The following CHD1 variants were observed in gnomAD, a reference collection of about 807,000 sequenced individuals.
CHD1 encodes ATP-dependent chromatin remodeler CHD1.
Under a neutral mutation model 224.2 loss-of-function variants are expected in CHD1, and 36 were observed. The ratio of observed to expected loss-of-function variants is 0.16; its 90% confidence interval spans 0.12 to 0.21. CHD1 has a LOEUF of 0.21. CHD1 is among the 10% of genes least tolerant of loss of function. The pLI is 1.00. For synonymous variants in CHD1, 668 were observed against 658.3 expected (o/e 1.01, Z -0.23); for missense variants, 1,378 against 1,994.8 (o/e 0.69, Z 5.89).
chr5:98,897,151 C>T, intron 11 of CHD1, 42 bp downstream of exon 11: 1 of 1,584,562 alleles, frequency 6.3e-7, no homozygotes, highest in Non-Finnish European at 8.6e-7. Flanking sequence ...TTGGTAAATT[C>T]TTACTCTGTC....
chr5:98,870,828 G>T, intron 28 of CHD1, 25 bp from the exon 29 acceptor site: 1 of 1,453,134 alleles, frequency 6.9e-7, no homozygotes. Context: ...AATTTTTTCA[G>T]ATTGTCTTAA....
At chr5:98,888,715 G>A (rs763029026) in intron 16 of CHD1, among the ~76,000 whole-genome samples, 2 of 152,216 alleles carry the variant, frequency 1.3e-5, no homozygotes, top group Non-Finnish European at 2.9e-5. Context: ...ACCAGGAAGG[G>A]TTAAGATGTG....
intron 24 of CHD1, 139 bp downstream of exon 24, chr5:98,876,259 A>C: frequency 2.5e-6 from 2 of 806,876 alleles, no homozygotes; most frequent in Non-Finnish European, 4.0e-6. Flanking sequence ...CCAAAAGCAG[A>C]ACCACCCAAT....
Position 98,901,100 on chromosome 5 carries a change from G to GA in CHD1, c.588-19dup, listed in dbSNP as rs148373099. The GA allele has an allele frequency of 0.013, 19,146 of 1,480,768 alleles. 129 individuals carry two copies. The highest frequency in any genetic ancestry group is 0.027 in the South Asian group (2,007 of 75,328). 91.7% of individuals were successfully genotyped at this position (1,480,768 alleles called of 1,614,324 possible). A position where few individuals can be genotyped will look rare whatever the true frequency, so the allele number is the denominator to read the frequency against. On this transcript the variant is annotated intron_variant, in intron 6 of 35. Coordinates refer to ENST00000614616, the MANE Select transcript of CHD1 (RefSeq NM_001270.4). ...ACTTAGATCTAGGAAAGTGCAAAGA[G>GA]AAAAAAAAACAAGATTTGAGAAACT...
chr5:98,904,690 TTG>T (rs1403865636), intron 3 of CHD1, among the ~76,000 whole-genome samples: 6 of 152,214 alleles, frequency 3.9e-5, no homozygotes, highest in African/African-American at 1.2e-4. Flanking sequence ...AATTTACACT[TTG>T]TGTTTTCTAG....
chr5:98,860,366 C>A, intron 32 of CHD1: 1 of 339,044 alleles, frequency 2.9e-6, no homozygotes, highest in East Asian at 7.8e-5. Context: ...TAAATTAAAT[C>A]AGGAAGTGAC....
chr5:98,872,764 T>C (rs1396697192), intron 26 of CHD1, among the ~76,000 whole-genome samples: 1 of 152,214 alleles, frequency 6.6e-6, no homozygotes, highest in Non-Finnish European at 1.5e-5. Context: ...AGTATTTCTC[T>C]AAGTGTTTTA....
chr5:98,912,042 C>A (rs977829133), intron 2 of CHD1, among the ~76,000 whole-genome samples: 4 of 151,790 alleles, frequency 2.6e-5, no homozygotes, highest in Admixed American at 2.6e-4. Context: ...CTGACTGTTA[C>A]AGAGAATGGT....
chr5:98,869,926 T>A (rs1561488480), intron 29 of CHD1, 44 bp from the exon 30 acceptor site: 9 of 1,471,418 alleles, frequency 6.1e-6, no homozygotes, highest in African/African-American at 2.8e-5. Flanking sequence ...ACAGATTTCA[T>A]TTTTAAAAAC....
intron 1 of CHD1, among the ~76,000 whole-genome samples, chr5:98,927,212 C>T (rs75018903): frequency 0.07 from 10,637 of 151,928 alleles, 402 homozygotes; most frequent in African/African-American, 0.1. Context: ...TGATTTTTTA[C>T]GTAAAAAATT....
chr5:98,884,526 T>C (rs1355469762), intron 18 of CHD1, among the ~76,000 whole-genome samples: 1 of 151,864 alleles, frequency 6.6e-6, no homozygotes, highest in East Asian at 1.9e-4. Flanking sequence ...TAGGAGGGGG[T>C]GAGCGATAAA....
chr5:98,878,344 G>A (rs969424159), intron 23 of CHD1, among the ~76,000 whole-genome samples: 44 of 152,244 alleles, frequency 2.9e-4, no homozygotes, highest in African/African-American at 2.4e-5. Flanking sequence ...TAATACGGTT[G>A]CAAGAAAAGA....
At chr5:98,902,818 G>C in intron 5 of CHD1, 82 bp downstream of exon 5, 3 of 854,350 alleles carry the variant, frequency 3.5e-6, no homozygotes, top group East Asian at 2.7e-5. Flanking sequence ...TCTCCTTTTG[G>C]CAACAATTTT....
rs778499107 is a variant in CHD1, at chr5:98,872,445, T to C, written c.3682A>G (p.Ile1228Val). 41 of 1,613,170 alleles carry C rather than the reference T, an allele frequency of 2.5e-5. No individual in the cohort carries two copies. The highest frequency in any genetic ancestry group is 3.4e-5 in the Non-Finnish European group (40 of 1,179,704). The change falls in exon 27 of 36, where the codon ATT (isoleucine) becomes GTT (valine). Residue 1228 changes from isoleucine (I) to valine (V), a missense_variant. Ile to Val is a conservative substitution (Grantham distance 29). Around this residue, in one of 16 missense-constraint regions of CHD1, gnomAD observed 286 missense variants for 445.1 expected, o/e 0.64. Coordinates refer to ENST00000614616, the MANE Select transcript of CHD1 (RefSeq NM_001270.4). Reference protein sequence around the residue: ...EEELIPLHKSIPSDPEERKQY... With the variant: ...EEELIPLHKSVPSDPEERKQY... ...TTTCTTTCTTCTGGATCAGAAGGAA[T>C]GGATTTGTGCAAAGGTATTAATTCT...
intron 2 of CHD1, among the ~76,000 whole-genome samples, chr5:98,913,021 T>G (rs1197173663): frequency 6.6e-6 from 1 of 152,178 alleles, no homozygotes; most frequent in African/African-American, 2.4e-5. Context: ...TTCCACAGAA[T>G]TATAATGGAG....
chr5:98,912,138 T>G (rs929622757), intron 2 of CHD1, among the ~76,000 whole-genome samples: 1 of 152,168 alleles, frequency 6.6e-6, no homozygotes, highest in Non-Finnish European at 1.5e-5. Flanking sequence ...TTTTCTTTAT[T>G]AACATCCAAG....
Position 98,926,544 on chromosome 5 carries a change from A to C in CHD1, c.-148-10T>G. 2.4e-6 allele frequency: 1 copy of C among 414,348 alleles called. No homozygotes were observed. Among genetic ancestry groups the C allele is most frequent in the Non-Finnish European group, 4.2e-6 (1 of 238,320 alleles). 25.7% of individuals were successfully genotyped at this position (414,348 alleles called of 1,614,324 possible). A position where few individuals can be genotyped will look rare whatever the true frequency, so the allele number is the denominator to read the frequency against. ...CTCTCCTTTGATTCACCTAAAGAAA[A>C]TATATTAATAAATTAACAAAATTTC... On this transcript the variant is annotated splice_polypyrimidine_tract_variant and intron_variant, in intron 1 of 35. Coordinates refer to ENST00000614616, the MANE Select transcript of CHD1 (RefSeq NM_001270.4).
chr5:98,873,332 C>T (rs909602868), intron 26 of CHD1, among the ~76,000 whole-genome samples: 1 of 151,966 alleles, frequency 6.6e-6, no homozygotes, highest in Non-Finnish European at 1.5e-5. Flanking sequence ...TATGAATGTA[C>T]ATATGTGTGT....
In CHD1 at chr5:98,868,266, G is replaced by A. The variant is rs79713661; in HGVS notation, c.4248+229C>T. On this transcript the variant is annotated intron_variant, in intron 31 of 35. Transcript: ENST00000614616. Reference sequence around the variant, plus strand: ...CACTTGAGCCCAGGAGGTTGAAGCCGCAATGGGCCGTGACTGCACCACTGA... The same window carrying A: ...CACTTGAGCCCAGGAGGTTGAAGCCACAATGGGCCGTGACTGCACCACTGA... 4.7e-3 allele frequency among the ~76,000 whole-genome samples: 702 copies of A among 148,502 alleles called. 12 individuals carry two copies. In the East Asian group the frequency reaches 0.055, roughly 12 times the overall value.
Sources: gnomAD v4.1 joint callset for allele counts (sites outside exome capture counted in the v4.1 genomes callset) on GRCh38, gnomAD v4.1.1 for gene constraint, gnomAD v4.1.1 regional missense constraint, MANE v1.5 for transcripts, NCBI Gene and HGNC (gene_info 2026-07-23, HGNC 2026-07-21) for gene names.